DGKB: variants seen among roughly 807,000 people sequenced by gnomAD.
The protein encoded by DGKB is diacylglycerol kinase beta.
DGKB carries 67 observed loss-of-function variants against 114.3 expected under a neutral mutation model. The ratio of observed to expected loss-of-function variants is 0.59; its 90% confidence interval spans 0.48 to 0.72. DGKB has a LOEUF of 0.72. DGKB is among the 30% of genes least tolerant of loss of function. The pLI is 0.00. For missense variants in DGKB, 907 were observed against 975.2 expected, an observed-to-expected ratio of 0.93 and a Z score of 0.93; for synonymous variants, 398 against 323.1, an observed-to-expected ratio of 1.23 and a Z score of -2.49.
At chr7:14,674,240 C>G (rs928714145) in intron 12 of DGKB, among the ~76,000 whole-genome samples, 1 of 152,068 alleles carries the variant, frequency 6.6e-6, no homozygotes, top group African/African-American at 2.4e-5. Flanking sequence ...AGCTCTGCTT[C>G]TCAGGGGCAT....
chr7:14,729,235 G>A (rs548562234), intron 5 of DGKB, among the ~76,000 whole-genome samples: 2 of 145,754 alleles, frequency 1.4e-5, no homozygotes, highest in African/African-American at 5.2e-5. Context: ...CCATTCTCCC[G>A]CCTCAGCCTC....
intron 4 of DGKB, among the ~76,000 whole-genome samples, chr7:14,742,544 G>A (rs1047300159): frequency 2.0e-5 from 3 of 152,074 alleles, no homozygotes; most frequent in African/African-American, 7.2e-5. Context: ...TACTAGGTTC[G>A]CTAAATGTTT....
rs376840999 is a variant in DGKB at position 14,363,400 on chromosome 7, G to C, written c.1836-18009C>G. The stretch of plus-strand genomic sequence containing the variant: ...GTATTCACACAAATATTGTGAAATT[G>C]CTATGGTAGCAAATAAAAGAAAGAA... On this transcript the variant is annotated intron_variant, in intron 21 of 25. Coordinates refer to ENST00000402815, the MANE Select transcript of DGKB (RefSeq NM_001350709.2). Among the ~76,000 whole-genome samples, 15 of 152,184 alleles carry C rather than the reference G, an allele frequency of 9.9e-5. No individual in the cohort carries two copies. The East Asian group carries it at 2.7e-3, about 27-fold the overall frequency.
At chr7:14,564,184 G>C (rs1165027069) in intron 20 of DGKB, among the ~76,000 whole-genome samples, 1 of 152,170 alleles carries the variant, frequency 6.6e-6, no homozygotes, top group East Asian at 1.9e-4. Flanking sequence ...GCCACTGCCT[G>C]TATTCTCCCC....
chr7:14,158,274 C>T (rs1439419815), intron 25 of DGKB, among the ~76,000 whole-genome samples: 1 of 152,208 alleles, frequency 6.6e-6, no homozygotes, highest in Admixed American at 6.5e-5. Context: ...TTCTGTGTTC[C>T]TTGGGTGGCA....
At chr7:14,738,421 C>G (rs1832065076) in intron 4 of DGKB, among the ~76,000 whole-genome samples, 1 of 152,180 alleles carries the variant, frequency 6.6e-6, no homozygotes, top group Admixed American at 6.5e-5. Context: ...CTACCTGGAT[C>G]AACTCTTGAA....
chr7:14,389,641 C>A (rs1323842774), intron 21 of DGKB, among the ~76,000 whole-genome samples: 1 of 152,170 alleles, frequency 6.6e-6, no homozygotes, highest in Non-Finnish European at 1.5e-5. Context: ...TTCCTCTAAG[C>A]GAAATCAATC....
At chr7:14,810,644 C>A (rs1291754688) in intron 2 of DGKB, among the ~76,000 whole-genome samples, 1 of 152,042 alleles carries the variant, frequency 6.6e-6, no homozygotes, top group Non-Finnish European at 1.5e-5. Context: ...ATGCAGCCTG[C>A]TGAAGTGCAG....
intron 23 of DGKB, among the ~76,000 whole-genome samples, chr7:14,235,223 A>C (rs7783274): frequency 0.62 from 93,590 of 151,892 alleles, 30,330 homozygotes; most frequent in African/African-American, 0.82. Flanking sequence ...CGGAGCCAAG[A>C]CTAGAAATCA....
Position 14,644,763 on chromosome 7 carries a change from G to A in DGKB, c.1135-14495C>T, listed in dbSNP as rs147944236. 5.2e-3 allele frequency among the ~76,000 whole-genome samples: 790 copies of A among 152,284 alleles called. 3 individuals are homozygous for A. Among genetic ancestry groups the A allele is most frequent in the African/African-American group, 0.018 (730 of 41,554 alleles). Reference sequence around the variant, plus strand: ...GGGAGTTCCAAAAAGAAAAGATGGGGAAAGACATGGAAACCTATTGAATAA... The same window carrying A: ...GGGAGTTCCAAAAAGAAAAGATGGGAAAAGACATGGAAACCTATTGAATAA... On this transcript the variant is annotated intron_variant, in intron 13 of 25. Coordinates refer to ENST00000402815, the MANE Select transcript of DGKB (RefSeq NM_001350709.2).
At position 14,231,130 on chromosome 7, in the gene DGKB, TC is replaced by T. The variant is rs1313808271; in HGVS notation, c.2123-52980del. On this transcript the variant is annotated intron_variant, in intron 23 of 25. Transcript: ENST00000402815. Reference sequence around the variant, plus strand: ...TTCTTTCTTTCTTTCTTTCTTTCTTTCTTTCTTTCTTTCTTTTTCTTTCTTT... The same window carrying T: ...TTCTTTCTTTCTTTCTTTCTTTCTTTTTTCTTTCTTTCTTTTTCTTTCTTT... 4.6e-3 allele frequency among the ~76,000 whole-genome samples: 640 copies of T among 140,002 alleles called. 4 individuals carry two copies. The highest frequency in any genetic ancestry group is 0.011 in the Middle Eastern group (3 of 272). 91.8% of individuals were successfully genotyped at this position (140,002 alleles called of 152,430 possible). A position where few individuals can be genotyped will look rare whatever the true frequency, so the allele number is the denominator to read the frequency against.
intron 20 of DGKB, among the ~76,000 whole-genome samples, chr7:14,482,720 G>A (rs921390211): frequency 6.6e-6 from 1 of 152,064 alleles, no homozygotes; most frequent in Non-Finnish European, 1.5e-5. Flanking sequence ...ATAAAACAAT[G>A]TTTGCTCTCC....
intron 2 of DGKB, among the ~76,000 whole-genome samples, chr7:14,775,339 T>C (rs914055234): frequency 1.3e-5 from 2 of 152,024 alleles, no homozygotes; most frequent in African/African-American, 4.8e-5. Context: ...AAATTTGTAT[T>C]CATGTTAACA....
rs114720363 is a variant in DGKB at position 14,312,795 on chromosome 7, C to A, written c.2122+25720G>T. On this transcript the variant is annotated intron_variant, in intron 23 of 25. Coordinates refer to ENST00000402815, the MANE Select transcript of DGKB (RefSeq NM_001350709.2). ...AGTTTTTCAGTTTGATGGAAAACAA[C>A]TGACAGTATTTGTTCCCAATGATAA... 5.5e-3 allele frequency among the ~76,000 whole-genome samples: 836 copies of A among 152,250 alleles called. 12 individuals carry two copies. Among genetic ancestry groups the A allele is most frequent in the African/African-American group, 0.019 (800 of 41,550 alleles).
intron 20 of DGKB, among the ~76,000 whole-genome samples, chr7:14,492,638 A>T (rs1474886969): frequency 6.6e-6 from 1 of 152,064 alleles, no homozygotes; most frequent in African/African-American, 2.4e-5. Flanking sequence ...CCCCGCCATG[A>T]TGGGTTTCTA....
chr7:14,825,812 A>T (rs1845630184), intron 2 of DGKB, among the ~76,000 whole-genome samples: 2 of 152,160 alleles, frequency 1.3e-5, no homozygotes, highest in Admixed American at 1.3e-4. Context: ...TCCCTTCCTT[A>T]AAATTAACTC....
intron 21 of DGKB, among the ~76,000 whole-genome samples, chr7:14,433,259 T>C (rs1177070749): frequency 6.6e-6 from 1 of 152,200 alleles, no homozygotes; most frequent in African/African-American, 2.4e-5. Flanking sequence ...GATGCCTTTT[T>C]TTGAGACTTC....
intron 3 of DGKB, 55 bp from the exon 4 acceptor site, chr7:14,754,003 C>T: frequency 8.6e-7 from 1 of 1,160,812 alleles, no homozygotes; most frequent in Non-Finnish European, 1.2e-6. Flanking sequence ...ACTTTATACT[C>T]ATTATCTCAT....
chr7:14,820,453 C>T (rs1844770466), intron 2 of DGKB, among the ~76,000 whole-genome samples: 1 of 152,094 alleles, frequency 6.6e-6, no homozygotes, highest in Non-Finnish European at 1.5e-5. Context: ...TTCTGCAGTG[C>T]CTCTTATTAC....
Sources: gnomAD v4.1 joint callset for allele counts (sites outside exome capture counted in the v4.1 genomes callset) on GRCh38, gnomAD v4.1.1 for gene constraint, MANE v1.5 for transcripts, NCBI Gene and HGNC (gene_info 2026-07-23, HGNC 2026-07-21) for gene names.